SMOC2: variants seen among roughly 807,000 people sequenced by gnomAD.
The protein encoded by SMOC2 is SPARC-related modular calcium-binding protein 2.
In SMOC2, 39 loss-of-function variants were observed where a neutral mutation model predicts 61.4. That is an observed-to-expected ratio of 0.64 (90% CI 0.49 to 0.83). SMOC2 has a LOEUF of 0.83. Ranked by LOEUF, SMOC2 falls within the 40% of genes least tolerant of loss-of-function variation. SMOC2 has a pLI of 0.00. For missense variants in SMOC2, 556 were observed against 592.9 expected (o/e 0.94, Z 0.65); for synonymous variants, 247 against 239.9 (o/e 1.03, Z -0.27).
At chr6:168,586,232 T>C (rs916369676) in intron 7 of SMOC2, among the ~76,000 whole-genome samples, 1 of 152,232 alleles carries the variant, frequency 6.6e-6, no homozygotes, top group Non-Finnish European at 1.5e-5. Flanking sequence ...GAATTATTTG[T>C]TGAGAAGGCT....
intron 9 of SMOC2, among the ~76,000 whole-genome samples, chr6:168,637,072 G>C (rs1275997039): frequency 6.6e-6 from 1 of 151,904 alleles, no homozygotes; most frequent in African/African-American, 2.4e-5. Flanking sequence ...AGGGACACGA[G>C]GAAATGGAGT....
intron 7 of SMOC2, among the ~76,000 whole-genome samples, chr6:168,556,353 CT>C (rs1784250335): frequency 6.6e-6 from 1 of 152,140 alleles, no homozygotes; most frequent in South Asian, 2.1e-4. Context: ...GGATGATTAG[CT>C]TTTAAGGGGA....
chr6:168,518,172 G>A (rs577634333), intron 2 of SMOC2, among the ~76,000 whole-genome samples: 178 of 152,330 alleles, frequency 1.2e-3, no homozygotes, highest in African/African-American at 4.2e-3. Flanking sequence ...CTTCACCCCC[G>A]CACAAGCGCC....
chr6:168,487,506 A>T (rs1362355919), intron 1 of SMOC2, among the ~76,000 whole-genome samples: 1 of 152,154 alleles, frequency 6.6e-6, no homozygotes, highest in African/African-American at 2.4e-5. Context: ...TTTAAAAATT[A>T]CCTTTTTTCT....
chr6:168,624,041 GA>G (rs1352245103), intron 9 of SMOC2, among the ~76,000 whole-genome samples: 1 of 152,234 alleles, frequency 6.6e-6, no homozygotes, highest in Non-Finnish European at 1.5e-5. Context: ...CGGATGCACA[GA>G]AGCCCCTGAC....
chr6:168,516,975 G>A (rs1783153544), intron 2 of SMOC2, among the ~76,000 whole-genome samples: 1 of 152,154 alleles, frequency 6.6e-6, no homozygotes, highest in Non-Finnish European at 1.5e-5. Flanking sequence ...TTACTGCCAC[G>A]ATGAGGTTTA....
chr6:168,590,668 A>G (rs574654000), intron 7 of SMOC2, among the ~76,000 whole-genome samples: 7 of 152,338 alleles, frequency 4.6e-5, no homozygotes, highest in African/African-American at 1.7e-4. Flanking sequence ...TTTAGAATGC[A>G]TGTGATTCGT....
chr6:168,587,731 C>T (rs991201297), intron 7 of SMOC2, among the ~76,000 whole-genome samples: 2 of 152,172 alleles, frequency 1.3e-5, no homozygotes, highest in Non-Finnish European at 2.9e-5. Flanking sequence ...TTCCTGCAGG[C>T]AAACAGCGAG....
At chr6:168,599,049 G>C in intron 8 of SMOC2, 45 bp downstream of exon 8, 1 of 1,516,906 alleles carries the variant, frequency 6.6e-7, no homozygotes, top group Non-Finnish European at 8.9e-7. Flanking sequence ...GGGAGGCTTT[G>C]GGGTGTGGAA....
chr6:168,596,634 A>G (rs971690033), intron 7 of SMOC2, among the ~76,000 whole-genome samples: 1 of 152,218 alleles, frequency 6.6e-6, no homozygotes, highest in Non-Finnish European at 1.5e-5. Flanking sequence ...TGCTCTGAGG[A>G]TTTCTGCAAA....
At chr6:168,596,648 A>G (rs1300475305) in intron 7 of SMOC2, among the ~76,000 whole-genome samples, 1 of 152,270 alleles carries the variant, frequency 6.6e-6, no homozygotes, top group Non-Finnish European at 1.5e-5. Flanking sequence ...CTGCAAAGCA[A>G]CAACCTCCAG....
intron 7 of SMOC2, among the ~76,000 whole-genome samples, chr6:168,562,479 C>T (rs191957325): frequency 2.6e-5 from 4 of 151,558 alleles, no homozygotes; most frequent in Admixed American, 2.0e-4. Flanking sequence ...TGCCCTGAGA[C>T]ACGAGGCTCT....
chr6:168,663,007 A>G (rs1787561255), intron 11 of SMOC2, among the ~76,000 whole-genome samples: 1 of 152,200 alleles, frequency 6.6e-6, no homozygotes, highest in Admixed American at 6.5e-5. Flanking sequence ...CCACATGGAG[A>G]TAACGAAGTT....
Position 168,651,024 on chromosome 6 carries a change from C to A in SMOC2, c.1010+241C>A, listed in dbSNP as rs541444649. On this transcript the variant is annotated intron_variant, in intron 10 of 12. Coordinates refer to ENST00000356284, the MANE Select transcript of SMOC2 (RefSeq NM_001166412.2). ...CTGAGCCGTGACTCCTGGGCCTCTG[C>A]GGGGTAGTGGGCTCTGACCCTGGCC... 5.3e-5 allele frequency among the ~76,000 whole-genome samples: 8 copies of A among 152,314 alleles called. No individual in the cohort carries two copies. In the South Asian group the frequency reaches 6.2e-4, roughly 12 times the overall value.
rs1393472863 is a variant in SMOC2, at chr6:168,475,738, A to G, written c.85-34177A>G. On this transcript the variant is annotated intron_variant, in intron 1 of 12. Coordinates refer to ENST00000356284, the MANE Select transcript of SMOC2 (RefSeq NM_001166412.2). This position sits in a 1 kb window ranked among gnomAD's most constrained non-coding sequence, Gnocchi z 4.6. ...CGAGGACACTGCTCGGCGTTAGAAG[A>G]AGAAGTAGTGAAGGGCAGTATTGGT... Among the ~76,000 whole-genome samples, 1 of 152,100 alleles carries G rather than the reference A, an allele frequency of 6.6e-6. No individual in the cohort carries two copies. Among genetic ancestry groups the G allele is most frequent in the Admixed American group, 6.5e-5 (1 of 15,278 alleles).
At chr6:168,447,816 C>T (rs1781363122) in intron 1 of SMOC2, among the ~76,000 whole-genome samples, 1 of 148,300 alleles carries the variant, frequency 6.7e-6, no homozygotes, top group Admixed American at 6.7e-5. Context: ...AGGACAAGTT[C>T]ACCAGTTTGT....
At position 168,666,747 on chromosome 6, in the gene SMOC2, A is replaced by G. The variant is rs1247818060; in HGVS notation, c.*309A>G. The G allele has an allele frequency of 5.5e-6, 2 of 365,260 alleles. No individual in the cohort carries two copies. The highest frequency in any genetic ancestry group is 4.4e-5 in the Admixed American group (1 of 22,964). The allele number at this position is 365,260 out of a possible 1,614,324, so 22.6% of individuals were successfully genotyped here. On this transcript the variant is annotated 3_prime_UTR_variant, in exon 13 of 13. Transcript: ENST00000356284. ...TTCCACATGTTAACAGTAGAGCTCT[A>G]TGCACTCCGGCTGCAATCGTATGGC... is the stretch of plus-strand genomic sequence containing the variant.
At chr6:168,582,986 G>T (rs1784956328) in intron 7 of SMOC2, among the ~76,000 whole-genome samples, 1 of 152,050 alleles carries the variant, frequency 6.6e-6, no homozygotes, top group Non-Finnish European at 1.5e-5. Context: ...GACTCGTCCA[G>T]GCTCCGGCCT....
intron 9 of SMOC2, 53 bp downstream of exon 9, chr6:168,608,292 T>G: frequency 6.4e-7 from 1 of 1,562,938 alleles, no homozygotes; most frequent in African/African-American, 1.4e-5. Context: ...CCATGCAGTT[T>G]CTTGCAAATT....
Sources: allele counts gnomAD v4.1 joint callset (sites outside exome capture counted in the v4.1 genomes callset), GRCh38; gene constraint gnomAD v4.1.1; non-coding constraint Gnocchi (gnomAD v3.1); transcripts MANE v1.5; gene names NCBI Gene and HGNC (gene_info 2026-07-23, HGNC 2026-07-21).